NRG3: variants seen among roughly 807,000 people sequenced by gnomAD.
NRG3 encodes pro-neuregulin-3, membrane-bound isoform.
In NRG3, 31 loss-of-function variants were observed where a neutral mutation model predicts 66.9. That is an observed-to-expected ratio of 0.46 (90% CI 0.35 to 0.63). The LOEUF (loss-of-function observed/expected upper bound fraction) is 0.63, where lower values mean the gene tolerates loss of function less well. Ranked by LOEUF, NRG3 falls within the 20% of genes least tolerant of loss-of-function variation. NRG3 has a pLI of 0.00. For synonymous variants in NRG3, 393 were observed against 359.4 expected (o/e 1.09, Z -1.06); for missense variants, 910 against 878.9 (o/e 1.04, Z -0.45).
chr10:82,092,448 C>A (rs1341570184), intron 1 of NRG3, among the ~76,000 whole-genome samples: 3 of 152,052 alleles, frequency 2.0e-5, no homozygotes, highest in African/African-American at 7.2e-5. Context: ...CATTTTCATC[C>A]TAGTATAAAA....
chr10:82,964,149 A>G (rs968374224), intron 6 of NRG3, among the ~76,000 whole-genome samples: 1 of 152,218 alleles, frequency 6.6e-6, no homozygotes, highest in African/African-American at 2.4e-5. Context: ...GTACCAGACA[A>G]TACCTATTAA....
intron 2 of NRG3, among the ~76,000 whole-genome samples, chr10:82,609,976 C>CTT (rs1480273459): frequency 1.3e-5 from 2 of 152,156 alleles, no homozygotes; most frequent in African/African-American, 4.8e-5. Flanking sequence ...CAAGGCTGGG[C>CTT]TTTTATCTAG....
At chr10:82,293,371 T>C (rs1476318406) in intron 1 of NRG3, among the ~76,000 whole-genome samples, 1 of 152,122 alleles carries the variant, frequency 6.6e-6, no homozygotes, top group Non-Finnish European at 1.5e-5. Flanking sequence ...TAAAAACTTA[T>C]CTCTAGAGCA....
Position 81,972,907 on chromosome 10 carries a change from A to G in NRG3, c.823+96744A>G, listed in dbSNP as rs1589647417. Among the ~76,000 whole-genome samples the G allele has an allele frequency of 2.0e-5, 3 of 152,334 alleles. No homozygotes were observed. In the South Asian group the frequency reaches 6.2e-4, roughly 32 times the overall value. ...CATTAATACAATGTAATTTAATTTA[A>G]TTTTAAAAAACAATCTTTTTTAACT... On this transcript the variant is annotated intron_variant, in intron 1 of 8. Transcript: ENST00000372141.
intron 4 of NRG3, among the ~76,000 whole-genome samples, chr10:82,883,291 T>C (rs1186268556): frequency 6.6e-6 from 1 of 152,144 alleles, no homozygotes; most frequent in Non-Finnish European, 1.5e-5. Context: ...GAATAAATGA[T>C]ATATTATTAT....
At chr10:82,037,764 T>C (rs1055765152) in intron 1 of NRG3, among the ~76,000 whole-genome samples, 6 of 152,094 alleles carry the variant, frequency 3.9e-5, no homozygotes, top group African/African-American at 1.4e-4. Context: ...TCATGGCATC[T>C]GCCTCACACG....
chr10:81,927,266 C>G (rs528765613), intron 1 of NRG3, among the ~76,000 whole-genome samples: 11 of 152,156 alleles, frequency 7.2e-5, no homozygotes, highest in African/African-American at 2.6e-4. Flanking sequence ...TTTTTTCTTG[C>G]CTTCATAAAC....
intron 1 of NRG3, among the ~76,000 whole-genome samples, chr10:82,033,435 G>A (rs1360738470): frequency 2.0e-5 from 3 of 152,014 alleles, no homozygotes; most frequent in Non-Finnish European, 4.4e-5. Context: ...CTGTTTTTAG[G>A]TTTCCCTCTA....
At chr10:81,901,087 G>T (rs773595282) in intron 1 of NRG3, among the ~76,000 whole-genome samples, 1 of 152,214 alleles carries the variant, frequency 6.6e-6, no homozygotes, top group African/African-American at 2.4e-5. Flanking sequence ...GGGAGCTCCA[G>T]ATAGAAATCC....
intron 1 of NRG3, among the ~76,000 whole-genome samples, chr10:81,917,679 A>C (rs1352084119): frequency 6.6e-6 from 1 of 152,198 alleles, no homozygotes; most frequent in Non-Finnish European, 1.5e-5. Flanking sequence ...TTAACTATTC[A>C]ACTATGCGTG....
intron 2 of NRG3, among the ~76,000 whole-genome samples, chr10:82,530,407 G>A (rs1341479927): frequency 1.3e-5 from 2 of 151,830 alleles, no homozygotes; most frequent in Non-Finnish European, 2.9e-5. Context: ...AAAAACTAAT[G>A]CTTATTATTA....
intron 1 of NRG3, among the ~76,000 whole-genome samples, chr10:81,974,045 T>A (rs1037037480): frequency 6.6e-6 from 1 of 152,210 alleles, no homozygotes; most frequent in Non-Finnish European, 1.5e-5. Flanking sequence ...TTTTGGGTTT[T>A]ACATTTAAGT....
chr10:82,098,828 A>G (rs1370625121), intron 1 of NRG3, among the ~76,000 whole-genome samples: 1 of 152,108 alleles, frequency 6.6e-6, no homozygotes, highest in Non-Finnish European at 1.5e-5. Flanking sequence ...CAGTGGTGCG[A>G]TCTCGGCTCA....
intron 1 of NRG3, among the ~76,000 whole-genome samples, chr10:82,161,839 C>A (rs1200440228): frequency 6.6e-6 from 1 of 152,102 alleles, no homozygotes; most frequent in African/African-American, 2.4e-5. Flanking sequence ...TTAAGCAAAG[C>A]AATTAAGCTT....
chr10:82,848,062 G>C (rs1261183576), intron 3 of NRG3, among the ~76,000 whole-genome samples: 1 of 152,178 alleles, frequency 6.6e-6, no homozygotes, highest in Non-Finnish European at 1.5e-5. Context: ...CAGGGAGCTG[G>C]AAATGCATGA....
intron 1 of NRG3, among the ~76,000 whole-genome samples, chr10:82,285,430 A>G (rs2079364216): frequency 6.6e-6 from 1 of 152,212 alleles, no homozygotes; most frequent in African/African-American, 2.4e-5. Flanking sequence ...AAGTGCAGCT[A>G]GTTTTTCAAA....
At chr10:82,965,784 A>G (rs910932116) in intron 6 of NRG3, among the ~76,000 whole-genome samples, 2 of 151,944 alleles carry the variant, frequency 1.3e-5, no homozygotes, top group African/African-American at 4.8e-5. Flanking sequence ...AATGTCCAAA[A>G]GCTATGATCA....
intron 2 of NRG3, among the ~76,000 whole-genome samples, chr10:82,698,562 C>A (rs1259451470): frequency 6.6e-6 from 1 of 152,080 alleles, no homozygotes; most frequent in Admixed American, 6.6e-5. Context: ...AATTATTTTG[C>A]AGAGACATTA....
At chr10:82,040,464 C>T (rs1251425591) in intron 1 of NRG3, among the ~76,000 whole-genome samples, 3 of 151,676 alleles carry the variant, frequency 2.0e-5, no homozygotes, top group African/African-American at 7.3e-5. Context: ...GAGGACTGAA[C>T]TTTGCCTAAC....
Sources: allele counts gnomAD v4.1 joint callset (sites outside exome capture counted in the v4.1 genomes callset), GRCh38; gene constraint gnomAD v4.1.1; transcripts MANE v1.5; gene names NCBI Gene and HGNC (gene_info 2026-07-23, HGNC 2026-07-21).